Variants in POU6F2 observed in about 807,000 individuals in gnomAD.
The protein encoded by POU6F2 is POU domain, class 6, transcription factor 2.
POU6F2 carries 31 observed loss-of-function variants against 71.3 expected under a neutral mutation model. The observed-to-expected ratio is 0.43, with a 90% CI of 0.33 to 0.59. POU6F2 has a LOEUF of 0.59. Among genes scored for constraint, POU6F2 ranks in the 20% least tolerant of loss-of-function variants. The pLI, the probability that POU6F2 is intolerant of heterozygous loss-of-function variation, is 0.04. For missense variants in POU6F2, 783 were observed against 856.8 expected (o/e 0.91, Z 1.07); for synonymous variants, 347 against 355.7 (o/e 0.98, Z 0.27).
At chr7:39,355,112 CA>C (rs936964502) in intron 5 of POU6F2, among the ~76,000 whole-genome samples, 8 of 152,284 alleles carry the variant, frequency 5.3e-5, no homozygotes, top group African/African-American at 1.9e-4. Flanking sequence ...GTCATGGAAA[CA>C]GGCTGGCCCT....
chr7:39,100,743 A>C (rs1392058139), intron 2 of POU6F2, among the ~76,000 whole-genome samples: 1 of 152,210 alleles, frequency 6.6e-6, no homozygotes, highest in Non-Finnish European at 1.5e-5. Flanking sequence ...CACTGAATTT[A>C]TAGCTGTATC....
intron 1 of POU6F2, among the ~76,000 whole-genome samples, chr7:39,059,087 T>C (rs538323521): frequency 5.1e-4 from 77 of 152,262 alleles, no homozygotes; most frequent in African/African-American, 1.8e-3. Flanking sequence ...TTATACAATA[T>C]CTTTTTGGAA....
chr7:39,357,952 T>G (rs1044315800), intron 5 of POU6F2, among the ~76,000 whole-genome samples: 3 of 152,236 alleles, frequency 2.0e-5, no homozygotes, highest in Non-Finnish European at 4.4e-5. Context: ...TGCAGAGATT[T>G]CTTCTCAGAT....
At chr7:39,150,696 G>C (rs550798324) in intron 2 of POU6F2, among the ~76,000 whole-genome samples, 11 of 151,792 alleles carry the variant, frequency 7.2e-5, no homozygotes, top group Non-Finnish European at 1.6e-4. Flanking sequence ...TCGAACTCCT[G>C]ACCTTAGGTG....
In POU6F2 at chr7:39,248,228, A is replaced by G. The variant is rs78971826; in HGVS notation, c.598+40608A>G. On this transcript the variant is annotated intron_variant, in intron 4 of 9. Transcript: ENST00000518318. The stretch of plus-strand genomic sequence containing the variant: ...ATTTAACAGGATATGGGATTAAGAT[A>G]GCATTTCTGGCTAATGAGCTCACTC... Among the ~76,000 whole-genome samples the G allele has an allele frequency of 3.0e-4, 46 of 152,332 alleles. 3 individuals carry two copies. In the East Asian group the frequency reaches 8.9e-3, roughly 29 times the overall value.
intron 2 of POU6F2, among the ~76,000 whole-genome samples, chr7:39,098,467 G>GC (rs1027564821): frequency 4.6e-5 from 6 of 130,464 alleles, no homozygotes; most frequent in Non-Finnish European, 8.2e-5. Flanking sequence ...TTGCAAGAGA[G>GC]GGGGGGTCTC....
intron 4 of POU6F2, among the ~76,000 whole-genome samples, chr7:39,331,998 A>G (rs536969119): frequency 2.0e-5 from 3 of 152,332 alleles, no homozygotes; most frequent in East Asian, 3.9e-4. Context: ...GTGTTATTAT[A>G]AAAAGAAATG....
intron 2 of POU6F2, among the ~76,000 whole-genome samples, chr7:39,155,803 A>G (rs931683844): frequency 1.3e-5 from 2 of 152,196 alleles, no homozygotes; most frequent in African/African-American, 4.8e-5. Context: ...TTTAAAGTTT[A>G]TCTGTTATTT....
intron 8 of POU6F2, among the ~76,000 whole-genome samples, chr7:39,453,536 C>T (rs116768139): frequency 0.01 from 1,568 of 152,258 alleles, 20 homozygotes; most frequent in African/African-American, 0.036. Flanking sequence ...TACAGTGTTT[C>T]ACACAAGGTA....
At chr7:39,050,654 T>C (rs77832475) in intron 1 of POU6F2, among the ~76,000 whole-genome samples, 2,370 of 152,270 alleles carry the variant, frequency 0.016, 54 homozygotes, top group African/African-American at 0.048. Context: ...TTGTTGCTTA[T>C]TGTTGACATC....
intron 2 of POU6F2, among the ~76,000 whole-genome samples, chr7:39,125,169 C>T (rs886799358): frequency 6.6e-6 from 1 of 152,102 alleles, no homozygotes; most frequent in African/African-American, 2.4e-5. Context: ...CAATACGACA[C>T]TGTTTGGCCT....
intron 2 of POU6F2, among the ~76,000 whole-genome samples, chr7:39,090,514 C>T (rs1791342339): frequency 6.6e-6 from 1 of 152,072 alleles, no homozygotes. Flanking sequence ...GTCTTCATTA[C>T]TTTATTTAAA....
At chr7:39,107,059 T>C (rs1791705916) in intron 2 of POU6F2, among the ~76,000 whole-genome samples, 1 of 151,306 alleles carries the variant, frequency 6.6e-6, no homozygotes, top group African/African-American at 2.4e-5. Context: ...TTTTTTCTTT[T>C]TTTTCAAACA....
intron 4 of POU6F2, among the ~76,000 whole-genome samples, chr7:39,222,989 G>A (rs1794399404): frequency 6.6e-6 from 1 of 152,136 alleles, no homozygotes; most frequent in South Asian, 2.1e-4. Flanking sequence ...TAGCAGCTGT[G>A]CCATTTTACA....
At chr7:39,043,507 C>T (rs1038941410) in intron 1 of POU6F2, among the ~76,000 whole-genome samples, 1 of 151,786 alleles carries the variant, frequency 6.6e-6, no homozygotes, top group Non-Finnish European at 1.5e-5. Context: ...ATCAAACAGG[C>T]AAAATTGCAT....
chr7:39,260,250 G>T (rs1344856942), intron 4 of POU6F2, among the ~76,000 whole-genome samples: 1 of 115,288 alleles, frequency 8.7e-6, no homozygotes, highest in South Asian at 2.7e-4. Context: ...CCACACCCCC[G>T]ACACACACAC....
intron 2 of POU6F2, among the ~76,000 whole-genome samples, chr7:39,152,666 C>A (rs1337957784): frequency 6.6e-6 from 1 of 152,138 alleles, no homozygotes; most frequent in Non-Finnish European, 1.5e-5. Flanking sequence ...GCTCTCCATC[C>A]ATTAGATCGT....
At chr7:39,214,094 G>A (rs113929028) in intron 4 of POU6F2, among the ~76,000 whole-genome samples, 201 of 152,270 alleles carry the variant, frequency 1.3e-3, no homozygotes, top group Middle Eastern at 3.4e-3. Context: ...TTTTCTTTCT[G>A]CTTCCAGTCA....
chr7:39,423,572 A>G (rs1787902800), intron 6 of POU6F2, among the ~76,000 whole-genome samples: 1 of 152,218 alleles, frequency 6.6e-6, no homozygotes, highest in Non-Finnish European at 1.5e-5. Flanking sequence ...AATAAAGCAG[A>G]GGGATTCTGC....
Sources: gnomAD v4.1 joint callset for allele counts (sites outside exome capture counted in the v4.1 genomes callset) on GRCh38, gnomAD v4.1.1 for gene constraint, MANE v1.5 for transcripts, NCBI Gene and HGNC (gene_info 2026-07-23, HGNC 2026-07-21) for gene names.